Variants in SHROOM3 observed in about 807,000 individuals in gnomAD.
The protein encoded by SHROOM3 is protein Shroom3.
In SHROOM3, 47 loss-of-function variants were observed where a neutral mutation model predicts 138.6. That is an observed-to-expected ratio of 0.34 (90% confidence interval 0.27 to 0.43). The LOEUF (loss-of-function observed/expected upper bound fraction) is 0.43, where lower values mean the gene tolerates loss of function less well. Among genes scored for constraint, SHROOM3 ranks in the 20% least tolerant of loss-of-function variants. The probability of loss-of-function intolerance (pLI) is 1.00; values close to 1 mark genes in which losing one functional copy is unlikely to be tolerated. For missense variants in SHROOM3, 2,491 were observed against 2,596.5 expected, an observed-to-expected ratio of 0.96 and a Z score of 0.88; for synonymous variants, 1,062 against 1,063.3, an observed-to-expected ratio of 1.00 and a Z score of 0.02.
intron 10 of SHROOM3, 101 bp from the exon 11 acceptor site, chr4:76,778,708 C>T (rs1722654525): frequency 6.6e-7 from 1 of 1,516,964 alleles, no homozygotes; most frequent in Non-Finnish European, 9.1e-7. Context: ...AGGAATAGAG[C>T]TTAGATATTT....
At chr4:76,715,501 C>A (rs1037384071) in intron 3 of SHROOM3, among the ~76,000 whole-genome samples, 6 of 152,148 alleles carry the variant, frequency 3.9e-5, no homozygotes, top group African/African-American at 1.4e-4. Context: ...GGTAATGAGT[C>A]GGTAAAGGAG....
At chr4:76,518,117 G>A (rs1732480788) in intron 1 of SHROOM3, among the ~76,000 whole-genome samples, 1 of 152,164 alleles carries the variant, frequency 6.6e-6, no homozygotes, top group Non-Finnish European at 1.5e-5. Flanking sequence ...GGTTGTGTGT[G>A]TGTATGTGTG....
intron 6 of SHROOM3, among the ~76,000 whole-genome samples, chr4:76,749,386 TTTTC>T (rs1332981219): frequency 7.9e-5 from 12 of 152,390 alleles, no homozygotes; most frequent in African/African-American, 1.2e-4. Context: ...TTAGAAATGA[TTTTC>T]TTTAAGAATG....
intron 2 of SHROOM3, among the ~76,000 whole-genome samples, chr4:76,598,233 A>G (rs1233468313): frequency 6.6e-6 from 1 of 151,850 alleles, no homozygotes; most frequent in Non-Finnish European, 1.5e-5. Flanking sequence ...TCACCGTGTT[A>G]GCCAGGATGG....
intron 2 of SHROOM3, among the ~76,000 whole-genome samples, chr4:76,688,151 C>G (rs944099898): frequency 6.6e-6 from 1 of 152,218 alleles, no homozygotes; most frequent in African/African-American, 2.4e-5. Context: ...TGCCTAGCAA[C>G]AATGTTTGTG....
chr4:76,528,446 G>A (rs1441207426), intron 1 of SHROOM3, among the ~76,000 whole-genome samples: 1 of 149,012 alleles, frequency 6.7e-6, no homozygotes, highest in Admixed American at 6.7e-5. Flanking sequence ...AGCTTCCTAA[G>A]TAGCTTGGGA....
chr4:76,720,181 G>A (rs1404643064), intron 3 of SHROOM3, among the ~76,000 whole-genome samples: 1 of 17,688 alleles, frequency 5.7e-5, no homozygotes, highest in South Asian at 1.8e-3. Flanking sequence ...TTTTTTTTTT[G>A]TGAATCCAAA....
intron 1 of SHROOM3, among the ~76,000 whole-genome samples, chr4:76,481,730 T>A (rs1220857671): frequency 6.6e-6 from 1 of 152,214 alleles, no homozygotes; most frequent in Non-Finnish European, 1.5e-5. Context: ...ATATCCCTGA[T>A]GGACATTGAT....
chr4:76,639,482 G>A (rs17322488), intron 2 of SHROOM3: 191,763 of 397,304 alleles, frequency 0.48, 48,241 homozygotes, highest in Middle Eastern at 0.57. Flanking sequence ...CTCTGAGTGC[G>A]TGGTGAGTAA....
rs939161914 is a variant in SHROOM3, at chr4:76,581,368, A to C, written c.323+25605A>C. ...AAAGAAGCAAAATTAAATTGAAAAAATGTGTTGATTCTCATCTGTAATTCC... is the reference window on the plus strand; with the variant it reads ...AAAGAAGCAAAATTAAATTGAAAAACTGTGTTGATTCTCATCTGTAATTCC... On this transcript the variant is annotated intron_variant, in intron 2 of 10. Transcript: ENST00000296043. Among the ~76,000 whole-genome samples the C allele has an allele frequency of 5.3e-5, 8 of 152,232 alleles. 1 individual carries two copies. Among genetic ancestry groups the C allele is most frequent in the Admixed American group, 4.6e-4 (7 of 15,292 alleles).
intron 2 of SHROOM3, among the ~76,000 whole-genome samples, chr4:76,569,313 C>T (rs545171015): frequency 7.9e-5 from 12 of 152,144 alleles, no homozygotes; most frequent in South Asian, 2.1e-4. Context: ...AACTTTAGTA[C>T]GGGGTGGATG....
At chr4:76,692,947 G>A (rs945574051) in intron 2 of SHROOM3, among the ~76,000 whole-genome samples, 5 of 152,124 alleles carry the variant, frequency 3.3e-5, no homozygotes, top group Non-Finnish European at 5.9e-5. Flanking sequence ...CACACCCATC[G>A]AACTGAACAC....
At chr4:76,636,786 G>T (rs747879678) in intron 2 of SHROOM3, among the ~76,000 whole-genome samples, 1 of 152,248 alleles carries the variant, frequency 6.6e-6, no homozygotes, top group Non-Finnish European at 1.5e-5. Context: ...CCTGGCTAGG[G>T]TTGGTAACCA....
chr4:76,698,673 G>C (rs1156634552), intron 2 of SHROOM3, among the ~76,000 whole-genome samples: 1 of 152,130 alleles, frequency 6.6e-6, no homozygotes, highest in Non-Finnish European at 1.5e-5. Context: ...AACTCATTCT[G>C]TTTTAAAGAC....
At chr4:76,616,774 G>T (rs1314145018) in intron 2 of SHROOM3, among the ~76,000 whole-genome samples, 1 of 152,152 alleles carries the variant, frequency 6.6e-6, no homozygotes, top group Non-Finnish European at 1.5e-5. Flanking sequence ...GCAGCAATAT[G>T]TTTGCACTTA....
At chr4:76,765,320 G>A (rs1278419281) in intron 9 of SHROOM3, among the ~76,000 whole-genome samples, 2 of 148,028 alleles carry the variant, frequency 1.4e-5, no homozygotes, top group Non-Finnish European at 3.0e-5. Flanking sequence ...TTCAAGACCA[G>A]CCTGGCCAAC....
Position 76,750,831 on chromosome 4 carries a change from C to T in SHROOM3, c.3827+1741C>T, listed in dbSNP as rs575636327. ...GTGTTTAAAAAAAAAAAAAAACTTT[C>T]TGAGCTGTAAAAATGCCAAAAGAAT... On this transcript the variant is annotated intron_variant, in intron 6 of 10. Transcript: ENST00000296043. 1.4e-4 allele frequency among the ~76,000 whole-genome samples: 21 copies of T among 151,752 alleles called. No homozygotes were observed. The South Asian group carries it at 4.2e-3, about 30-fold the overall frequency.
At chr4:76,560,568 G>T (rs765854426) in intron 2 of SHROOM3, among the ~76,000 whole-genome samples, 4 of 152,024 alleles carry the variant, frequency 2.6e-5, no homozygotes, top group Non-Finnish European at 4.4e-5. Flanking sequence ...TATTTATTTT[G>T]TTTATTTACT....
intron 1 of SHROOM3, among the ~76,000 whole-genome samples, chr4:76,505,660 CT>C (rs201633763): frequency 0.077 from 10,447 of 135,678 alleles, 366 homozygotes; most frequent in African/African-American, 0.15. Flanking sequence ...GGTATTGTGA[CT>C]TTTTTTTTTT....
Sources: allele counts gnomAD v4.1 joint callset (sites outside exome capture counted in the v4.1 genomes callset), GRCh38; gene constraint gnomAD v4.1.1; transcripts MANE v1.5; gene names NCBI Gene and HGNC (gene_info 2026-07-23, HGNC 2026-07-21).